Variants in EEA1 observed in about 807,000 individuals in gnomAD.
EEA1 encodes the protein early endosome antigen 1, 162kD.
A neutral mutation model predicts 209.2 loss-of-function variants in EEA1; 111 were observed. That is an observed-to-expected ratio of 0.53 (90% CI 0.45 to 0.62). EEA1 has a LOEUF of 0.62. EEA1 is among the 20% of genes least tolerant of loss of function. The probability of loss-of-function intolerance (pLI) is 0.00; values close to 1 mark genes in which losing one functional copy is unlikely to be tolerated. For missense variants in EEA1, 1,343 were observed against 1,530.8 expected (o/e 0.88, Z 2.05); for synonymous variants, 536 against 540.6 (o/e 0.99, Z 0.12).
intron 2 of EEA1, among the ~76,000 whole-genome samples, chr12:92,868,813 G>A (rs1289447767): frequency 1.3e-5 from 2 of 149,902 alleles, no homozygotes; most frequent in South Asian, 2.2e-4. Context: ...TTAAACCTTT[G>A]TCTAATACCT....
At chr12:92,809,564 C>T (rs925532209) in intron 17 of EEA1, among the ~76,000 whole-genome samples, 4 of 148,566 alleles carry the variant, frequency 2.7e-5, no homozygotes, top group Non-Finnish European at 4.5e-5. Context: ...GCGTGGTGGC[C>T]GGTGCCTGAA....
At chr12:92,847,924 G>A (rs1240475351) in intron 9 of EEA1, among the ~76,000 whole-genome samples, 1 of 151,930 alleles carries the variant, frequency 6.6e-6, no homozygotes, top group African/African-American at 2.4e-5. Context: ...GTAAGAGTTT[G>A]TTTCTAATAA....
intron 1 of EEA1, among the ~76,000 whole-genome samples, chr12:92,912,356 G>A (rs540675942): frequency 6.6e-6 from 1 of 152,242 alleles, no homozygotes; most frequent in South Asian, 2.1e-4. Context: ...CTGGCCATGA[G>A]ACTTGCCTTG....
In EEA1 at chr12:92,809,295, G is replaced by C. The variant is rs568631839; in HGVS notation, c.2200-139C>G. On this transcript the variant is annotated intron_variant, in intron 17 of 28. Coordinates refer to ENST00000322349, the MANE Select transcript of EEA1 (RefSeq NM_003566.4). ...TTTATTATAATAAAAAACATATTCTGAAACCATTACTAAGGGTGTTATTTA... is the reference window on the plus strand; with the variant it reads ...TTTATTATAATAAAAAACATATTCTCAAACCATTACTAAGGGTGTTATTTA... 1,687 of 588,546 alleles carry C rather than the reference G, an allele frequency of 2.9e-3. 3 individuals carry two copies. Among genetic ancestry groups the C allele is most frequent in the Non-Finnish European group, 3.9e-3 (1,524 of 390,308 alleles). 36.5% of individuals were successfully genotyped at this position (588,546 alleles called of 1,614,324 possible).
intron 22 of EEA1, among the ~76,000 whole-genome samples, chr12:92,787,147 A>C (rs896202639): frequency 1.8e-4 from 28 of 152,216 alleles, no homozygotes; most frequent in Non-Finnish European, 4.0e-4. Context: ...TGCAATATGC[A>C]CTTTAAATAA....
At chr12:92,894,002 G>A (rs1187822673) in intron 1 of EEA1, among the ~76,000 whole-genome samples, 1 of 151,982 alleles carries the variant, frequency 6.6e-6, no homozygotes, top group Non-Finnish European at 1.5e-5. Context: ...GTCTATTCCT[G>A]CCATTTCTTC....
At chr12:92,923,242 G>A (rs1881077443) in intron 1 of EEA1, among the ~76,000 whole-genome samples, 1 of 152,102 alleles carries the variant, frequency 6.6e-6, no homozygotes, top group African/African-American at 2.4e-5. Flanking sequence ...CAGCTACTCG[G>A]GAGGCTGAGG....
chr12:92,826,115 T>C, intron 13 of EEA1, 51 bp downstream of exon 13: 1 of 1,587,838 alleles, frequency 6.3e-7, no homozygotes, highest in East Asian at 2.2e-5. Flanking sequence ...ATATTCTATG[T>C]AATGGTAATT....
chr12:92,815,925 CAGAGACAG>C (rs1212205327), intron 15 of EEA1, among the ~76,000 whole-genome samples: 13 of 148,706 alleles, frequency 8.7e-5, no homozygotes, highest in East Asian at 7.9e-4. Context: ...GAGCAAGAGC[CAGAGACAG>C]AGAGACAGAG....
intron 9 of EEA1, among the ~76,000 whole-genome samples, chr12:92,845,282 G>A (rs1480198143): frequency 6.6e-6 from 1 of 152,026 alleles, no homozygotes; most frequent in Non-Finnish European, 1.5e-5. Context: ...AGAGGAGTGA[G>A]GAGAGTGAAT....
chr12:92,896,130 C>T (rs376090681), intron 1 of EEA1, among the ~76,000 whole-genome samples: 26 of 152,132 alleles, frequency 1.7e-4, no homozygotes, highest in African/African-American at 4.6e-4. Flanking sequence ...CGTGCCACCA[C>T]GCCCAGCTAA....
In EEA1 at chr12:92,826,294, A is replaced by C; in HGVS notation, c.1405-9T>G. 1 of 1,607,086 alleles carries C rather than the reference A, an allele frequency of 6.2e-7. No individual in the cohort carries two copies. The highest frequency in any genetic ancestry group is 8.5e-7 in the Non-Finnish European group (1 of 1,174,610). Reference sequence around the variant, plus strand: ...GTAACTTTTTCCTTCAACTTAAAAAAATGTAGATTGTCAATTGAGAACTTA... The same window carrying C: ...GTAACTTTTTCCTTCAACTTAAAAACATGTAGATTGTCAATTGAGAACTTA... On this transcript the variant is annotated splice_polypyrimidine_tract_variant and intron_variant, in intron 12 of 28. Transcript: ENST00000322349.
intron 2 of EEA1, chr12:92,884,773 T>C (rs1565849698): frequency 9.8e-7 from 1 of 1,020,876 alleles, no homozygotes; most frequent in South Asian, 1.3e-5. Context: ...TTACAACAGA[T>C]TGTGAACTCA....
chr12:92,818,553 G>T (rs189451009), intron 14 of EEA1, among the ~76,000 whole-genome samples: 134 of 152,186 alleles, frequency 8.8e-4, no homozygotes, highest in African/African-American at 2.9e-3. Flanking sequence ...ACATCAAGTT[G>T]TATACAACTA....
chr12:92,792,451 C>A (rs183504553), intron 21 of EEA1, among the ~76,000 whole-genome samples: 1 of 152,168 alleles, frequency 6.6e-6, no homozygotes, highest in East Asian at 1.9e-4. Context: ...GGGGATATCA[C>A]CACCGATCCC....
At chr12:92,818,059 T>C (rs915328186) in intron 14 of EEA1, among the ~76,000 whole-genome samples, 1 of 152,186 alleles carries the variant, frequency 6.6e-6, no homozygotes, top group East Asian at 1.9e-4. Flanking sequence ...ACTTTACAAG[T>C]ACAAAACTTG....
chr12:92,904,741 C>A (rs746311712), intron 1 of EEA1, among the ~76,000 whole-genome samples: 1 of 152,148 alleles, frequency 6.6e-6, no homozygotes, highest in Non-Finnish European at 1.5e-5. Context: ...TTAAAGGATA[C>A]AAATAAACAG....
At chr12:92,781,175 G>A (rs1364658625) in intron 23 of EEA1, among the ~76,000 whole-genome samples, 1 of 152,068 alleles carries the variant, frequency 6.6e-6, no homozygotes, top group East Asian at 1.9e-4. Flanking sequence ...CTCTGGGAGT[G>A]CTGAGATAAC....
At chr12:92,791,738 T>C (rs1163749815) in intron 21 of EEA1, among the ~76,000 whole-genome samples, 1 of 152,152 alleles carries the variant, frequency 6.6e-6, no homozygotes, top group Non-Finnish European at 1.5e-5. Flanking sequence ...AACAAGGATA[T>C]CCAGGATCTG....
Sources: allele counts gnomAD v4.1 joint callset (sites outside exome capture counted in the v4.1 genomes callset), GRCh38; gene constraint gnomAD v4.1.1; transcripts MANE v1.5; gene names NCBI Gene and HGNC (gene_info 2026-07-23, HGNC 2026-07-21).